The following TFAP2A variants were observed in gnomAD, a reference collection of about 807,000 sequenced individuals.
TFAP2A encodes the protein transcription factor AP-2 alpha.
A neutral mutation model predicts 41.5 loss-of-function variants in TFAP2A; 7 were observed. The ratio of observed to expected loss-of-function variants is 0.17; its 90% CI spans 0.10 to 0.32. TFAP2A has a LOEUF of 0.32. Among genes scored for constraint, TFAP2A ranks in the 10% least tolerant of loss-of-function variants. TFAP2A has a pLI of 1.00. For synonymous variants in TFAP2A, 247 were observed against 242.8 expected (o/e 1.02, Z -0.16); for missense variants, 416 against 563.3 (o/e 0.74, Z 2.65).
intron 1 of TFAP2A, chr6:10,411,635 A>T: frequency 6.2e-7 from 1 of 1,613,518 alleles, no homozygotes. Context: ...GGTGGAAAAA[A>T]ACAAGCAAGC....
At chr6:10,409,713 G>A in intron 2 of TFAP2A, 188 bp downstream of exon 2, 5 of 655,466 alleles carry the variant, frequency 7.6e-6, no homozygotes, top group Non-Finnish European at 5.3e-6. Context: ...ATTGTTCTGG[G>A]GTAGAACTCG....
chr6:10,414,843 C>A, intron 1 of TFAP2A, 98 bp downstream of exon 1: 1 of 1,536,766 alleles, frequency 6.5e-7, no homozygotes, highest in Non-Finnish European at 9.0e-7. Flanking sequence ...TTTGTCCCAC[C>A]CGCGTTTCGC....
At chr6:10,412,147 G>A (rs1324896979) in intron 1 of TFAP2A, 1 of 990,998 alleles carries the variant, frequency 1.0e-6, no homozygotes, top group Non-Finnish European at 1.2e-6. Context: ...CCATTGACGG[G>A]AGTCTCAGTG....
At chr6:10,407,146 A>G in intron 2 of TFAP2A, 4 of 421,580 alleles carry the variant, frequency 9.5e-6, no homozygotes. Context: ...GCACCTAATC[A>G]TTCTCAGTCA....
chr6:10,399,778 T>C (rs1219537601), intron 6 of TFAP2A, among the ~76,000 whole-genome samples: 4 of 152,260 alleles, frequency 2.6e-5, no homozygotes, highest in Non-Finnish European at 4.4e-5. Context: ...AGTCATTTTC[T>C]TTTCACACAT....
intron 2 of TFAP2A, 131 bp from the exon 3 acceptor site, chr6:10,406,975 T>G: frequency 1.3e-6 from 1 of 782,160 alleles, no homozygotes; most frequent in East Asian, 2.6e-5. Flanking sequence ...CATTTATATA[T>G]AAACATCTCA....
upstream of TFAP2A, chr6:10,415,139 G>GGAGGAGGGCAAGGAGGAGGAGGAGGAA: frequency 6.4e-7 from 1 of 1,554,840 alleles, no homozygotes; most frequent in Non-Finnish European, 8.7e-7. Context: ...AGGAGGGAGA[G>GGAGGAGGGCAAGGAGGAGGAGGAGGAA]GAGGAGGGCA....
intron 4 of TFAP2A, among the ~76,000 whole-genome samples, chr6:10,404,056 T>C (rs1057477619): frequency 2.0e-5 from 3 of 152,174 alleles, no homozygotes; most frequent in Non-Finnish European, 4.4e-5. Flanking sequence ...CCGGTTACCC[T>C]CGGAGACCCT....
upstream of TFAP2A, chr6:10,416,574 T>G (rs984474672): frequency 6.6e-5 from 10 of 152,220 alleles, no homozygotes; most frequent in Non-Finnish European, 1.5e-4. Context: ...TTAACTACAC[T>G]AGGTCCCGCC....
At chr6:10,410,609 C>T (rs1333627612) in intron 1 of TFAP2A, among the ~76,000 whole-genome samples, 1 of 152,186 alleles carries the variant, frequency 6.6e-6, no homozygotes, top group Non-Finnish European at 1.5e-5. Context: ...TCCTGGAACA[C>T]AGCCCATTAA....
chr6:10,409,834 G>T (rs531375336), intron 2 of TFAP2A, 67 bp downstream of exon 2: 2 of 1,518,894 alleles, frequency 1.3e-6, no homozygotes, highest in Non-Finnish European at 1.8e-6. Context: ...TATGTTCCAG[G>T]TATCCTTTCT....
chr6:10,415,355 A>G (rs569054286), upstream of TFAP2A: 845 of 1,099,314 alleles, frequency 7.7e-4, no homozygotes, highest in Admixed American at 1.2e-3. Flanking sequence ...CAGTACCACA[A>G]TCTGCCGCCG....
intron 5 of TFAP2A, among the ~76,000 whole-genome samples, chr6:10,401,447 A>G (rs768110086): frequency 1.6e-4 from 25 of 152,244 alleles, no homozygotes; most frequent in Non-Finnish European, 3.4e-4. Context: ...CTGATTTTCT[A>G]AACAGTTATA....
intron 1 of TFAP2A, among the ~76,000 whole-genome samples, chr6:10,413,273 C>T (rs1038030350): frequency 1.3e-5 from 2 of 152,236 alleles, no homozygotes; most frequent in Admixed American, 6.5e-5. Context: ...TCCTCTCTCT[C>T]TCATCTTTTT....
upstream of TFAP2A, among the ~76,000 whole-genome samples, chr6:10,417,455 C>G (rs1181579674): frequency 6.6e-6 from 1 of 152,206 alleles, no homozygotes; most frequent in Non-Finnish European, 1.5e-5. Flanking sequence ...TGGAGCCAGC[C>G]GAGCTGCATT....
In TFAP2A at chr6:10,398,876, C is replaced by A. The variant is rs1462380256; in HGVS notation, c.1032-171G>T. ...TGTGGCCACATGTTGGGAGATCCAGCCACCTTTCAGTGACCACTAAACCAT... is the reference window on the plus strand; with the variant it reads ...TGTGGCCACATGTTGGGAGATCCAGACACCTTTCAGTGACCACTAAACCAT... On this transcript the variant is annotated intron_variant, in intron 6 of 6. Coordinates refer to ENST00000379613, the MANE Select transcript of TFAP2A (RefSeq NM_001372066.1). The surrounding 1 kb of genome is among the most constrained non-coding windows in gnomAD (Gnocchi z 5.3). Among the ~76,000 whole-genome samples, 1 of 152,178 alleles carries A rather than the reference C, an allele frequency of 6.6e-6. No individual in the cohort carries two copies. Among genetic ancestry groups the A allele is most frequent in the Non-Finnish European group, 1.5e-5 (1 of 68,024 alleles).
rs921569407 is a variant in TFAP2A, at chr6:10,408,270, G to A, written c.487-1426C>T. The stretch of plus-strand genomic sequence containing the variant: ...TTTCTTAAAAGATGGGGGAGGGAGA[G>A]GGAAAAACAGCAACTGGGTTTCCTT... On this transcript the variant is annotated intron_variant, in intron 2 of 6. Coordinates refer to ENST00000379613, the MANE Select transcript of TFAP2A (RefSeq NM_001372066.1). 3.9e-5 allele frequency among the ~76,000 whole-genome samples: 6 copies of A among 152,122 alleles called. No homozygotes were observed. In the East Asian group the frequency reaches 1.2e-3, roughly 29 times the overall value.
At chr6:10,415,143 G>C (rs1295713534), upstream of TFAP2A, 1 of 1,544,268 alleles carries the variant, frequency 6.5e-7, no homozygotes, top group East Asian at 2.4e-5. Context: ...GGGAGAGGAG[G>C]AGGGCAAGGA....
At chr6:10,406,647 A>G in intron 3 of TFAP2A, 146 bp downstream of exon 3, 1 of 721,258 alleles carries the variant, frequency 1.4e-6, no homozygotes, top group Non-Finnish European at 2.5e-6. Context: ...TGATTATTTA[A>G]GCATTGCTGT....
Sources: allele counts gnomAD v4.1 joint callset (sites outside exome capture counted in the v4.1 genomes callset), GRCh38; gene constraint gnomAD v4.1.1; non-coding constraint Gnocchi (gnomAD v3.1); transcripts MANE v1.5; gene names NCBI Gene and HGNC (gene_info 2026-07-23, HGNC 2026-07-21).